The following PBK variants were observed in gnomAD, a reference collection of about 807,000 sequenced individuals.
PBK encodes the protein lymphokine-activated killer T-cell-originated protein kinase.
Under a neutral mutation model 33.5 loss-of-function variants are expected in PBK, and 22 were observed. The ratio of observed to expected loss-of-function variants is 0.66; its 90% confidence interval spans 0.47 to 0.94. The LOEUF (loss-of-function observed/expected upper bound fraction) is 0.94. PBK is among the 40% of genes least tolerant of loss of function. PBK has a pLI of 0.00. For synonymous variants in PBK, 129 were observed against 123.8 expected (o/e 1.04, Z -0.28); for missense variants, 376 against 383.4 (o/e 0.98, Z 0.16).
intron 5 of PBK, 78 bp downstream of exon 5, chr8:27,822,241 T>G: frequency 9.4e-7 from 1 of 1,068,172 alleles, no homozygotes; most frequent in Non-Finnish European, 1.4e-6. Flanking sequence ...CATTCAAAGA[T>G]GTCCTGCAAA....
rs137967242 is a variant in PBK, at chr8:27,826,099, C to T, written c.152+2006G>A. ...AGTGGGGGGGACAGATAACATAAAA[C>T]GGATTACATATGAAGAATTAGCAGT... is the stretch of plus-strand genomic sequence containing the variant. On this transcript the variant is annotated intron_variant, in intron 3 of 7. Transcript: ENST00000301905. Among the ~76,000 whole-genome samples the T allele has an allele frequency of 3.7e-3, 562 of 152,066 alleles. 3 individuals are homozygous for T. Among genetic ancestry groups the T allele is most frequent in the Non-Finnish European group, 6.6e-3 (451 of 68,014 alleles).
chr8:27,810,228 A>G lies in PBK; in HGVS notation c.*77T>C. ...AAATATGCCAATTTTAGAGTCTAAT[A>G]ACTACTGATAGTAACTATGTAAATA... On this transcript the variant is annotated 3_prime_UTR_variant, in exon 8 of 8. Coordinates refer to ENST00000301905, the MANE Select transcript of PBK (RefSeq NM_018492.4). The G allele has an allele frequency of 1.0e-6, 1 of 974,172 alleles. No homozygotes were observed. Among genetic ancestry groups the G allele is most frequent in the Admixed American group, 2.1e-5 (1 of 47,194 alleles). 60.3% of individuals were successfully genotyped at this position (974,172 alleles called of 1,614,324 possible).
In PBK at chr8:27,822,355, A is replaced by C; in HGVS notation, c.429T>G (p.Ile143Met). The change falls in exon 5 of 8, where the codon ATT becomes ATG. Residue 143 changes from isoleucine to methionine, a missense_variant. Coordinates refer to ENST00000301905, the MANE Select transcript of PBK (RefSeq NM_018492.4). The stretch of plus-strand genomic sequence containing the variant: ...TTGCCATATTCAAAGCAACTTTTAA[A>C]ATTATGGCTGCTGGAAAAGGATCTT... ...ASQDPFPAAI[I>M]LKVALNMARG... 6.2e-7 allele frequency: 1 copy of C among 1,613,112 alleles called. No homozygotes were observed. The highest frequency in any genetic ancestry group is 8.5e-7 in the Non-Finnish European group (1 of 1,179,690).
intron 6 of PBK, among the ~76,000 whole-genome samples, chr8:27,816,127 G>A (rs1470917451): frequency 1.3e-5 from 2 of 151,672 alleles, no homozygotes. Context: ...CTAGGTTAAG[G>A]GCCACTGCTG....
At chr8:27,810,575 C>G in intron 7 of PBK, 74 bp from the exon 8 acceptor site, 1 of 802,720 alleles carries the variant, frequency 1.2e-6, no homozygotes, top group South Asian at 1.7e-5. Context: ...GCTCACCCTT[C>G]TCCTGAAACA....
At position 27,822,339 on chromosome 8, in the gene PBK, T is replaced by C; in HGVS notation, c.445A>G (p.Asn149Asp). 1 of 1,612,162 alleles carries C rather than the reference T, an allele frequency of 6.2e-7. No individual in the cohort carries two copies. The change falls in exon 5 of 8, where the codon AAT (asparagine) becomes GAT (aspartate). Residue 149 changes from asparagine (N) to aspartate (D), a missense_variant. Physicochemically the swap from Asn to Asp is conservative, Grantham distance 23. Coordinates refer to ENST00000301905, the MANE Select transcript of PBK (RefSeq NM_018492.4). Reference sequence around the variant, plus strand: ...GTTACCTTTAACCCTCTTGCCATATTCAAAGCAACTTTTAAAATTATGGCT... The same window carrying C: ...GTTACCTTTAACCCTCTTGCCATATCCAAAGCAACTTTTAAAATTATGGCT... ...PAAIILKVALNMARGLKYLHQ... is the reference protein window; with the variant it reads ...PAAIILKVALDMARGLKYLHQ...
At chr8:27,836,271 T>C (rs998510680) in intron 1 of PBK, among the ~76,000 whole-genome samples, 1 of 151,616 alleles carries the variant, frequency 6.6e-6, no homozygotes, top group African/African-American at 2.4e-5. Flanking sequence ...AGGGGGAGAA[T>C]GAGACAAAGT....
chr8:27,811,445 AG>A (rs894593972), intron 6 of PBK: 1 of 477,992 alleles, frequency 2.1e-6, no homozygotes, highest in African/African-American at 2.0e-5. Context: ...GTTGGTTCAA[AG>A]ACATGTGTGT....
intron 3 of PBK, among the ~76,000 whole-genome samples, chr8:27,826,857 G>T (rs1160916010): frequency 6.6e-6 from 1 of 150,436 alleles, no homozygotes; most frequent in Non-Finnish European, 1.5e-5. Context: ...CACATACAGT[G>T]TAACTTTGTT....
At chr8:27,836,234 A>G (rs1178218701) in intron 1 of PBK, among the ~76,000 whole-genome samples, 1 of 152,114 alleles carries the variant, frequency 6.6e-6, no homozygotes, top group Non-Finnish European at 1.5e-5. Flanking sequence ...CCTGAGGCAG[A>G]AATCTTCACG....
intron 1 of PBK, among the ~76,000 whole-genome samples, chr8:27,836,250 G>T (rs1806225851): frequency 6.6e-6 from 1 of 152,026 alleles, no homozygotes; most frequent in Non-Finnish European, 1.5e-5. Flanking sequence ...TCACGAAGAG[G>T]CGAGCTAGCA....
chr8:27,832,669 G>A (rs1806151282), intron 2 of PBK, among the ~76,000 whole-genome samples: 1 of 152,168 alleles, frequency 6.6e-6, no homozygotes, highest in Admixed American at 6.5e-5. Context: ...TAAGGGTCAA[G>A]GCTTATTTTT....
intron 6 of PBK, among the ~76,000 whole-genome samples, chr8:27,814,885 T>C (rs943758253): frequency 6.6e-6 from 1 of 152,184 alleles, no homozygotes; most frequent in African/African-American, 2.4e-5. Context: ...CATAGTGTCA[T>C]ACAAACCTTT....
chr8:27,810,826 T>C (rs1486196918), intron 7 of PBK, 132 bp downstream of exon 7: 1 of 664,638 alleles, frequency 1.5e-6, no homozygotes, highest in Non-Finnish European at 2.5e-6. Context: ...CTATGTCTCA[T>C]TTGTGTGAGA....
intron 1 of PBK, among the ~76,000 whole-genome samples, chr8:27,835,405 G>A (rs949330312): frequency 6.6e-6 from 1 of 152,152 alleles, no homozygotes; most frequent in African/African-American, 2.4e-5. Context: ...AGAACTTTGG[G>A]AAAGGATAAA....
chr8:27,823,281 T>G, intron 3 of PBK, 76 bp from the exon 4 acceptor site: 1 of 962,186 alleles, frequency 1.0e-6, no homozygotes, highest in Non-Finnish European at 1.6e-6. Context: ...TCCAAATTTT[T>G]GGGAAAAAGC....
rs573584073 is a variant in PBK at position 27,826,782 on chromosome 8, C to A, written c.152+1323G>T. On this transcript the variant is annotated intron_variant, in intron 3 of 7. Coordinates refer to ENST00000301905, the MANE Select transcript of PBK (RefSeq NM_018492.4). ...CTGCACTCCAGCCTGGGCGACAGAG[C>A]GAGACTCCGTCTCAAAAAAAAAAAA... Among the ~76,000 whole-genome samples, 20 of 89,772 alleles carry A rather than the reference C, an allele frequency of 2.2e-4. No individual in the cohort carries two copies. In the South Asian group the frequency reaches 5.4e-3, roughly 24 times the overall value. 58.9% of individuals were successfully genotyped at this position (89,772 alleles called of 152,430 possible). A position where few individuals can be genotyped will look rare whatever the true frequency, so the allele number is the denominator to read the frequency against.
rs1394284148 is a variant in PBK at position 27,828,187 on chromosome 8, T to A, written c.70A>T (p.Thr24Ser). The A allele has an allele frequency of 3.3e-6, 5 of 1,498,762 alleles. No homozygotes were observed. The East Asian group carries it at 9.0e-5, about 27-fold the overall frequency. 92.8% of individuals were successfully genotyped at this position (1,498,762 alleles called of 1,614,324 possible). The stretch of plus-strand genomic sequence containing the variant: ...GAGGCCGGGATATTTATAGTTGGAG[T>A]TGAACATAATACTAAATGTCAGAGA... ...SEKKKSVLCS[T>S]PTINIPASPF... Residue 24 changes from threonine to serine, a missense_variant, in exon 3 of 8, where the codon ACT becomes TCT. Transcript: ENST00000301905.
At chr8:27,826,267 A>G (rs375715580) in intron 3 of PBK, among the ~76,000 whole-genome samples, 1 of 152,236 alleles carries the variant, frequency 6.6e-6, no homozygotes, top group East Asian at 1.9e-4. Flanking sequence ...CCATTCAAGT[A>G]TGAGTAAAAT....
Sources: gnomAD v4.1 joint callset for allele counts (sites outside exome capture counted in the v4.1 genomes callset) on GRCh38, gnomAD v4.1.1 for gene constraint, MANE v1.5 for transcripts, NCBI Gene and HGNC (gene_info 2026-07-23, HGNC 2026-07-21) for gene names.